The following MAP4 variants were observed in gnomAD, a reference collection of about 807,000 sequenced individuals.
The protein encoded by MAP4 is microtubule associated protein 4.
Under a neutral mutation model 170.2 loss-of-function variants are expected in MAP4, and 76 were observed. The observed-to-expected ratio is 0.45, with a 90% confidence interval of 0.37 to 0.54. MAP4 has a LOEUF of 0.54. Ranked by LOEUF, MAP4 falls within the 20% of genes least tolerant of loss-of-function variation. The pLI is 0.00. For missense variants in MAP4, 2,506 were observed against 2,748.0 expected (o/e 0.91, Z 1.97); for synonymous variants, 909 against 994.5 (o/e 0.91, Z 1.62).
intron 3 of MAP4, among the ~76,000 whole-genome samples, chr3:47,939,900 G>A (rs1447045428): frequency 6.6e-6 from 1 of 151,906 alleles, no homozygotes; most frequent in Non-Finnish European, 1.5e-5. Context: ...CTGGAGTGCA[G>A]TGGCATGATC....
intron 10 of MAP4, among the ~76,000 whole-genome samples, chr3:47,896,683 G>A (rs1190963936): frequency 6.6e-6 from 1 of 152,158 alleles, no homozygotes; most frequent in Non-Finnish European, 1.5e-5. Flanking sequence ...GAGAACTGCT[G>A]CACTCTGGTA....
intron 2 of MAP4, among the ~76,000 whole-genome samples, chr3:47,995,981 G>C (rs1486664194): frequency 6.6e-6 from 1 of 152,144 alleles, no homozygotes; most frequent in East Asian, 1.9e-4. Flanking sequence ...GACACAAAGG[G>C]AATTCACACT....
intron 16 of MAP4, 81 bp downstream of exon 16, chr3:47,869,133 G>C (rs773276412): frequency 1.9e-6 from 2 of 1,062,626 alleles, no homozygotes; most frequent in Non-Finnish European, 2.9e-6. Context: ...GGGAAAAAGT[G>C]CAAGAGAGGG....
At chr3:47,968,574 G>T (rs971796258) in intron 3 of MAP4, among the ~76,000 whole-genome samples, 3 of 151,928 alleles carry the variant, frequency 2.0e-5, no homozygotes, top group African/African-American at 7.3e-5. Context: ...AATCTTAAGA[G>T]GTACAGCTAA....
chr3:47,948,013 T>C (rs79285137), intron 3 of MAP4, among the ~76,000 whole-genome samples: 1 of 151,666 alleles, frequency 6.6e-6, no homozygotes, highest in Non-Finnish European at 1.5e-5. Context: ...CTTTTTTTTT[T>C]TGTCATGGAG....
rs531921427 is a variant in MAP4, at chr3:47,866,065, G to A, written c.6501+1181C>T. Among the ~76,000 whole-genome samples, 39 of 152,274 alleles carry A rather than the reference G, an allele frequency of 2.6e-4. No homozygotes were observed. In the South Asian group the frequency reaches 7.2e-3, roughly 28 times the overall value. The stretch of plus-strand genomic sequence containing the variant: ...AAAGATAAGGAGGGAAAGTCTGGGC[G>A]CAGTGGCTCACACCTGTAATCCCAG... On this transcript the variant is annotated intron_variant, in intron 17 of 20. Coordinates refer to ENST00000683076, the MANE Select transcript of MAP4 (RefSeq NM_001385682.1).
chr3:48,061,627 TGAG>T (rs1203869048), intron 1 of MAP4, among the ~76,000 whole-genome samples: 2 of 150,848 alleles, frequency 1.3e-5, no homozygotes, highest in Non-Finnish European at 3.0e-5. Context: ...GTCTGGGAAG[TGAG>T]GAGCGTCTCT....
chr3:48,080,649 C>A (rs1453312605), intron 1 of MAP4, among the ~76,000 whole-genome samples: 1 of 152,078 alleles, frequency 6.6e-6, no homozygotes, highest in South Asian at 2.1e-4. Context: ...GAATTCAAGA[C>A]CGGCCTGAGC....
chr3:47,999,923 G>A (rs1358421697), intron 1 of MAP4, among the ~76,000 whole-genome samples: 1 of 151,072 alleles, frequency 6.6e-6, no homozygotes, highest in Non-Finnish European at 1.5e-5. Context: ...GTAGTAAAAA[G>A]AGCCAAAGGG....
chr3:48,081,727 T>C (rs1386613115), intron 1 of MAP4, among the ~76,000 whole-genome samples: 1 of 151,722 alleles, frequency 6.6e-6, no homozygotes, highest in Non-Finnish European at 1.5e-5. Context: ...TGGGTCAGTA[T>C]ATATATATAT....
intron 17 of MAP4, among the ~76,000 whole-genome samples, chr3:47,864,634 A>G (rs1197289784): frequency 6.6e-6 from 1 of 152,062 alleles, no homozygotes; most frequent in Non-Finnish European, 1.5e-5. Context: ...CCGAGATCGC[A>G]CCACTGCACT....
intron 8 of MAP4, among the ~76,000 whole-genome samples, chr3:47,913,035 G>C (rs2100036756): frequency 6.6e-6 from 1 of 152,136 alleles, no homozygotes; most frequent in South Asian, 2.1e-4. Context: ...CAGAACCAGA[G>C]CATCCTACTT....
At chr3:47,984,598 G>A (rs1671339166) in intron 2 of MAP4, among the ~76,000 whole-genome samples, 1 of 151,974 alleles carries the variant, frequency 6.6e-6, no homozygotes, top group South Asian at 2.1e-4. Flanking sequence ...TTGGGAGGGT[G>A]GGGAGAGCAG....
At chr3:48,012,966 CTGT>C (rs34862171) in intron 1 of MAP4, among the ~76,000 whole-genome samples, 90,682 of 150,912 alleles carry the variant, frequency 0.6, 28,397 homozygotes, top group East Asian at 0.72. Context: ...AGTTAAAGTA[CTGT>C]TGTTTTTTTT....
At chr3:48,056,693 C>A (rs1325569167) in intron 1 of MAP4, among the ~76,000 whole-genome samples, 1 of 96,022 alleles carries the variant, frequency 1.0e-5, no homozygotes, top group South Asian at 3.7e-4. Context: ...CCCGGCCAGC[C>A]GCCCCGTCTG....
At chr3:48,040,572 T>C (rs187717385) in intron 1 of MAP4, among the ~76,000 whole-genome samples, 9 of 139,836 alleles carry the variant, frequency 6.4e-5, no homozygotes, top group African/African-American at 2.2e-4. Context: ...CCCAGCCTAT[T>C]TATTTATTTT....
intron 17 of MAP4, among the ~76,000 whole-genome samples, chr3:47,861,864 C>T (rs986741625): frequency 6.8e-6 from 1 of 146,626 alleles, no homozygotes; most frequent in Non-Finnish European, 1.5e-5. Flanking sequence ...GTCTCAAAAA[C>T]AAAACAAAAC....
In MAP4 at chr3:47,948,154, C is replaced by T. The variant is rs138934260; in HGVS notation, c.293-19804G>A. 2.8e-3 allele frequency among the ~76,000 whole-genome samples: 429 copies of T among 151,232 alleles called. 3 individuals carry two copies. Among genetic ancestry groups the T allele is most frequent in the African/African-American group, 9.8e-3 (406 of 41,220 alleles). ...CTGGGACTACAGGTGCCCGCCACCA[C>T]GCCCGGCTAATTTTTTGTATTTTTA... On this transcript the variant is annotated intron_variant, in intron 3 of 20. Coordinates refer to ENST00000683076, the MANE Select transcript of MAP4 (RefSeq NM_001385682.1).
intron 3 of MAP4, among the ~76,000 whole-genome samples, chr3:47,943,346 T>TTA (rs2100057707): frequency 6.6e-6 from 1 of 152,174 alleles, no homozygotes; most frequent in East Asian, 1.9e-4. Flanking sequence ...ATGCGGTGGC[T>TTA]CATGCCTGTA....
Sources: gnomAD v4.1 joint callset for allele counts (sites outside exome capture counted in the v4.1 genomes callset) on GRCh38, gnomAD v4.1.1 for gene constraint, MANE v1.5 for transcripts, NCBI Gene and HGNC (gene_info 2026-07-23, HGNC 2026-07-21) for gene names.